Variants in RBFOX1 observed in about 807,000 individuals in gnomAD.
RBFOX1 encodes RNA binding protein fox-1 homolog 1.
RBFOX1 carries 8 observed loss-of-function variants against 57.7 expected under a neutral mutation model. That is an observed-to-expected ratio of 0.14 (90% confidence interval 0.08 to 0.25). The LOEUF (loss-of-function observed/expected upper bound fraction) is 0.25. Among genes scored for constraint, RBFOX1 ranks in the 10% least tolerant of loss-of-function variants. The pLI is 1.00. For missense variants in RBFOX1, 611 were observed against 548.5 expected, an observed-to-expected ratio of 1.11 and a Z score of -1.14; for synonymous variants, 326 against 222.4, an observed-to-expected ratio of 1.47 and a Z score of -4.15.
intron 4 of RBFOX1, among the ~76,000 whole-genome samples, chr16:5,925,221 T>C (rs2058916582): frequency 6.6e-6 from 1 of 152,192 alleles, no homozygotes; most frequent in Non-Finnish European, 1.5e-5. Flanking sequence ...TGCTTATAGC[T>C]GTACCATTCA....
chr16:5,796,704 G>C (rs563307309), intron 3 of RBFOX1, among the ~76,000 whole-genome samples: 13 of 152,296 alleles, frequency 8.5e-5, no homozygotes, highest in African/African-American at 3.1e-4. Context: ...AAGACACTGA[G>C]GCACAGAGAG....
Position 6,228,175 on chromosome 16 carries a change from G to A in RBFOX1, c.-126-88820G>A, listed in dbSNP as rs566087553. Among the ~76,000 whole-genome samples the A allele has an allele frequency of 7.9e-5, 12 of 152,150 alleles. No homozygotes were observed. The South Asian group carries it at 2.3e-3, about 29-fold the overall frequency. On this transcript the variant is annotated intron_variant, in intron 1 of 15. Coordinates refer to ENST00000550418, the MANE Select transcript of RBFOX1 (RefSeq NM_018723.4). ...AAAATACAAAAAATATCTAGGCTTG[G>A]TGACACGCGCCTGTATTCCCAGCTA...
intron 1 of RBFOX1, among the ~76,000 whole-genome samples, chr16:5,383,026 C>T (rs1317589115): frequency 3.3e-5 from 5 of 152,198 alleles, no homozygotes; most frequent in Non-Finnish European, 7.3e-5. Flanking sequence ...CTCCCTTGCT[C>T]ACATGCTATA....
chr16:7,484,066 A>G (rs572274158), intron 4 of RBFOX1, among the ~76,000 whole-genome samples: 14 of 152,284 alleles, frequency 9.2e-5, no homozygotes, highest in Admixed American at 2.6e-4. Context: ...TTTGAATTTC[A>G]TAATAAATGG....
intron 4 of RBFOX1, among the ~76,000 whole-genome samples, chr16:7,286,232 G>C (rs1472080822): frequency 1.3e-5 from 2 of 152,106 alleles, no homozygotes; most frequent in African/African-American, 2.4e-5. Context: ...AACACTTGTA[G>C]CACAATCGCC....
intron 1 of RBFOX1, among the ~76,000 whole-genome samples, chr16:5,295,506 T>C (rs1471784144): frequency 6.6e-6 from 1 of 152,192 alleles, no homozygotes; most frequent in Non-Finnish European, 1.5e-5. Context: ...ATCTGGAGGC[T>C]TGACGGGTGA....
intron 2 of RBFOX1, among the ~76,000 whole-genome samples, chr16:5,493,173 T>C (rs1440697314): frequency 6.6e-6 from 1 of 152,240 alleles, no homozygotes; most frequent in Non-Finnish European, 1.5e-5. Context: ...GAAACTCAGA[T>C]CCCGAAGACA....
intron 5 of RBFOX1, among the ~76,000 whole-genome samples, chr16:7,520,040 C>T (rs1297319051): frequency 6.6e-6 from 1 of 152,108 alleles, no homozygotes; most frequent in Non-Finnish European, 1.5e-5. Flanking sequence ...CACCCGCCAC[C>T]ATGTCCGGCT....
At chr16:6,003,075 C>A (rs995994537) in intron 4 of RBFOX1, among the ~76,000 whole-genome samples, 1 of 151,958 alleles carries the variant, frequency 6.6e-6, no homozygotes, top group South Asian at 2.1e-4. Context: ...GTCAGGAGAT[C>A]GAGATCATCC....
chr16:6,373,349 G>A (rs75685930), intron 2 of RBFOX1, among the ~76,000 whole-genome samples: 67,110 of 145,416 alleles, frequency 0.46, 14,065 homozygotes, highest in Middle Eastern at 0.56. Flanking sequence ...GAGATTCGGC[G>A]GAAGAGTATA....
rs112895293 is a variant in RBFOX1 at position 5,930,604 on chromosome 16, G to A, written c.351+63269G>A. Among the ~76,000 whole-genome samples, 667 of 126,086 alleles carry A rather than the reference G, an allele frequency of 5.3e-3. 26 individuals are homozygous for A. The highest frequency in any genetic ancestry group is 0.021 in the African/African-American group (635 of 30,592). The allele number at this position is 126,086 out of a possible 152,430, so 82.7% of individuals were successfully genotyped here. ...TACATGGGAGGGTGGGTAGGTGGAC[G>A]GGTGGCAGGGTGGATGGATGCATGG... is the stretch of plus-strand genomic sequence containing the variant. On this transcript the variant is annotated intron_variant, in intron 4 of 19. Coordinates refer to the RBFOX1 transcript ENST00000641259.
At chr16:6,354,540 A>G (rs563476779) in intron 2 of RBFOX1, among the ~76,000 whole-genome samples, 3 of 152,212 alleles carry the variant, frequency 2.0e-5, no homozygotes, top group Admixed American at 2.0e-4. Context: ...CAAGATCAGG[A>G]CCAAACTCCT....
At chr16:7,129,609 G>C (rs1200942555) in intron 4 of RBFOX1, among the ~76,000 whole-genome samples, 1 of 152,086 alleles carries the variant, frequency 6.6e-6, no homozygotes, top group Non-Finnish European at 1.5e-5. Flanking sequence ...TTAAGTGTAT[G>C]CATCTGATTG....
rs998412994 is a variant in RBFOX1 at position 5,363,596 on chromosome 16, C to A, written c.220-103620C>A. ...TCCTCATCCCCAGGGCTCAGTTGACCTGACTTTTCCCAACACCTCAGACTA... is the reference window on the plus strand; with the variant it reads ...TCCTCATCCCCAGGGCTCAGTTGACATGACTTTTCCCAACACCTCAGACTA... On this transcript the variant is annotated intron_variant, in intron 1 of 2. Transcript: ENST00000585867. Among the ~76,000 whole-genome samples, 2 of 152,298 alleles carry A rather than the reference C, an allele frequency of 1.3e-5. 1 individual carries two copies. Among genetic ancestry groups the A allele is most frequent in the Middle Eastern group, 6.8e-3 (2 of 294 alleles).
chr16:5,853,836 G>T (rs4338804), intron 3 of RBFOX1, among the ~76,000 whole-genome samples: 7 of 152,036 alleles, frequency 4.6e-5, no homozygotes, highest in African/African-American at 1.7e-4. Context: ...ACTCACTGCA[G>T]CCTTGAACTC....
At chr16:5,701,045 T>G (rs1181311727) in intron 3 of RBFOX1, among the ~76,000 whole-genome samples, 1 of 152,250 alleles carries the variant, frequency 6.6e-6, no homozygotes, top group Non-Finnish European at 1.5e-5. Context: ...GTTCTTGATC[T>G]AGATTTTTCT....
At chr16:6,991,925 G>C (rs973184772) in intron 3 of RBFOX1, among the ~76,000 whole-genome samples, 2 of 152,182 alleles carry the variant, frequency 1.3e-5, no homozygotes, top group South Asian at 2.1e-4. Context: ...CAGAGTTTCT[G>C]ATTCAATCAA....
intron 3 of RBFOX1, among the ~76,000 whole-genome samples, chr16:5,623,589 C>G (rs1322624483): frequency 6.7e-6 from 1 of 149,700 alleles, no homozygotes; most frequent in Non-Finnish European, 1.5e-5. Flanking sequence ...TTCTTAAAGC[C>G]TCTGATAAAT....
intron 2 of RBFOX1, among the ~76,000 whole-genome samples, chr16:6,649,695 T>G (rs2098563232): frequency 6.6e-6 from 1 of 152,238 alleles, no homozygotes; most frequent in African/African-American, 2.4e-5. Flanking sequence ...TGCCATTATT[T>G]CATTCATTTT....
Sources: gnomAD v4.1 joint callset for allele counts (sites outside exome capture counted in the v4.1 genomes callset) on GRCh38, gnomAD v4.1.1 for gene constraint, MANE v1.5 for transcripts, NCBI Gene and HGNC (gene_info 2026-07-23, HGNC 2026-07-21) for gene names.